The following GPC5 variants were observed in gnomAD, a reference collection of about 807,000 sequenced individuals.
GPC5 encodes glypican-5.
Under a neutral mutation model 53.9 loss-of-function variants are expected in GPC5, and 47 were observed. That is an observed-to-expected ratio of 0.87 (90% CI 0.69 to 1.11). The LOEUF (loss-of-function observed/expected upper bound fraction) is 1.11. Among genes scored for constraint, GPC5 ranks in the 50% most tolerant of loss-of-function variants. The pLI, the probability that GPC5 is intolerant of heterozygous loss-of-function variation, is 0.00. For missense variants in GPC5, 748 were observed against 713.1 expected, an observed-to-expected ratio of 1.05 and a Z score of -0.56; for synonymous variants, 286 against 263.3, an observed-to-expected ratio of 1.09 and a Z score of -0.84.
At chr13:92,221,640 A>G (rs959163821) in intron 7 of GPC5, among the ~76,000 whole-genome samples, 1 of 152,148 alleles carries the variant, frequency 6.6e-6, no homozygotes, top group Non-Finnish European at 1.5e-5. Flanking sequence ...AGTTCTGTCC[A>G]CAAATGATAC....
chr13:91,843,833 G>GT (rs1318758990), intron 5 of GPC5, among the ~76,000 whole-genome samples: 1 of 152,186 alleles, frequency 6.6e-6, no homozygotes, highest in Non-Finnish European at 1.5e-5. Context: ...TGTAGCTCCT[G>GT]TTGCGGTGAC....
intron 7 of GPC5, among the ~76,000 whole-genome samples, chr13:92,798,057 C>T (rs1451475479): frequency 6.6e-6 from 1 of 151,874 alleles, no homozygotes; most frequent in Admixed American, 6.6e-5. Context: ...TAAGCAGTTT[C>T]GTATTTTTCA....
chr13:92,544,048 T>C (rs983578211), intron 7 of GPC5, among the ~76,000 whole-genome samples: 9 of 152,016 alleles, frequency 5.9e-5, no homozygotes, highest in South Asian at 2.1e-4. Context: ...CTTGATATAG[T>C]GAATGTATAT....
chr13:92,566,601 C>T (rs1456516919), intron 7 of GPC5, among the ~76,000 whole-genome samples: 4 of 152,034 alleles, frequency 2.6e-5, no homozygotes, highest in African/African-American at 4.8e-5. Context: ...TCCTCAAACA[C>T]ATTTTAGCTT....
chr13:91,612,237 GAATA>G, intron 2 of GPC5, among the ~76,000 whole-genome samples: 1 of 152,218 alleles, frequency 6.6e-6, no homozygotes, highest in East Asian at 1.9e-4. Flanking sequence ...ATAATATGAA[GAATA>G]AATTATACTT....
chr13:92,525,763 T>C (rs1276032915), intron 7 of GPC5, among the ~76,000 whole-genome samples: 1 of 151,978 alleles, frequency 6.6e-6, no homozygotes, highest in East Asian at 1.9e-4. Context: ...CTTCTGGCAC[T>C]AGCTGATGGT....
At chr13:91,737,036 G>A (rs900165167) in intron 4 of GPC5, among the ~76,000 whole-genome samples, 10 of 151,240 alleles carry the variant, frequency 6.6e-5, no homozygotes, top group Non-Finnish European at 1.0e-4. Context: ...CCTGGGTGGC[G>A]GAGCTTTCAG....
In GPC5 at chr13:91,424,361, CTTTTT is replaced by C. The variant is rs781733611; in HGVS notation, c.164-24384_164-24380del. On this transcript the variant is annotated intron_variant, in intron 1 of 7. Transcript: ENST00000377067. Reference sequence around the variant, plus strand: ...CGAAGACTGGCAGAATCCAGTACTGCTTTTTTTTTTTTTTTTTTTTGAGATGAAGT... The same window carrying C: ...CGAAGACTGGCAGAATCCAGTACTGCTTTTTTTTTTTTTTTGAGATGAAGT... Among the ~76,000 whole-genome samples the C allele has an allele frequency of 5.7e-4, 65 of 113,444 alleles. 2 individuals carry two copies. Among genetic ancestry groups the C allele is most frequent in the African/African-American group, 2.0e-3 (60 of 29,772 alleles). The allele number at this position is 113,444 out of a possible 152,430, so 74.4% of individuals were successfully genotyped here.
At chr13:91,465,840 T>A (rs1008811348) in intron 2 of GPC5, among the ~76,000 whole-genome samples, 1 of 152,190 alleles carries the variant, frequency 6.6e-6, no homozygotes, top group African/African-American at 2.4e-5. Flanking sequence ...AAATCATTGA[T>A]CTTCTCAATT....
At chr13:92,811,207 T>C (rs866520089) in intron 7 of GPC5, among the ~76,000 whole-genome samples, 5 of 151,942 alleles carry the variant, frequency 3.3e-5, no homozygotes, top group Non-Finnish European at 7.4e-5. Flanking sequence ...AAGTATTTTG[T>C]TTCATTTCTT....
At chr13:91,613,833 G>A (rs78410399) in intron 2 of GPC5, among the ~76,000 whole-genome samples, 1,660 of 152,276 alleles carry the variant, frequency 0.011, 33 homozygotes, top group African/African-American at 0.038. Context: ...CAAAGGGAGT[G>A]GCTGAGATCA....
intron 5 of GPC5, among the ~76,000 whole-genome samples, chr13:91,849,713 G>A (rs751258992): frequency 6.6e-6 from 1 of 152,068 alleles, no homozygotes; most frequent in Non-Finnish European, 1.5e-5. Context: ...GCTTTTGATC[G>A]AGGGAAACCT....
intron 5 of GPC5, among the ~76,000 whole-genome samples, chr13:91,862,032 G>T (rs1224280633): frequency 6.6e-6 from 1 of 151,694 alleles, no homozygotes; most frequent in Non-Finnish European, 1.5e-5. Context: ...ACAATAAAAT[G>T]ATATCTTTTT....
At chr13:92,798,019 A>G (rs1318131354) in intron 7 of GPC5, among the ~76,000 whole-genome samples, 2 of 151,876 alleles carry the variant, frequency 1.3e-5, no homozygotes, top group African/African-American at 4.8e-5. Context: ...AACCATGCTT[A>G]GTAACTTTCA....
intron 2 of GPC5, among the ~76,000 whole-genome samples, chr13:91,474,465 C>A (rs1379388556): frequency 6.6e-6 from 1 of 152,010 alleles, no homozygotes; most frequent in Non-Finnish European, 1.5e-5. Context: ...ATGAGCTATT[C>A]TTCCTTTGCA....
intron 7 of GPC5, among the ~76,000 whole-genome samples, chr13:92,736,041 A>T (rs1364570311): frequency 6.6e-6 from 1 of 152,050 alleles, no homozygotes; most frequent in Non-Finnish European, 1.5e-5. Context: ...ATAAACTAAC[A>T]AGCAAAAATA....
At position 91,778,686 on chromosome 13, in the gene GPC5, A is replaced by G. The variant is rs2037750117; in HGVS notation, c.1280+22266A>G. On this transcript the variant is annotated intron_variant, in intron 5 of 7. Coordinates refer to ENST00000377067, the MANE Select transcript of GPC5 (RefSeq NM_004466.6). ...TCTAGCATCTACCTGTGTGTCTCCA[A>G]CCTTGACCCTTGTCCATTTTCATTT... is the stretch of plus-strand genomic sequence containing the variant. Among the ~76,000 whole-genome samples the G allele has an allele frequency of 2.0e-5, 3 of 152,172 alleles. 1 individual carries two copies. The highest frequency in any genetic ancestry group is 4.1e-4 in the South Asian group (2 of 4,834).
chr13:92,187,819 T>G (rs1030241965), intron 7 of GPC5, among the ~76,000 whole-genome samples: 1 of 152,240 alleles, frequency 6.6e-6, no homozygotes, highest in Non-Finnish European at 1.5e-5. Context: ...TTAATTTCTA[T>G]CATCATTGTT....
chr13:91,945,850 C>T (rs1014934219), intron 6 of GPC5, among the ~76,000 whole-genome samples: 1 of 152,130 alleles, frequency 6.6e-6, no homozygotes, highest in Non-Finnish European at 1.5e-5. Flanking sequence ...TGATACAACC[C>T]TTGCGTTGCA....
Sources: gnomAD v4.1 joint callset for allele counts (sites outside exome capture counted in the v4.1 genomes callset) on GRCh38, gnomAD v4.1.1 for gene constraint, MANE v1.5 for transcripts, NCBI Gene and HGNC (gene_info 2026-07-23, HGNC 2026-07-21) for gene names.